Variants in CAMK2A observed in about 807,000 individuals in gnomAD.
CAMK2A encodes the protein calcium/calmodulin dependent protein kinase II alpha.
A neutral mutation model predicts 79.2 loss-of-function variants in CAMK2A; 7 were observed. The ratio of observed to expected loss-of-function variants is 0.09; its 90% confidence interval spans 0.05 to 0.17. The LOEUF (loss-of-function observed/expected upper bound fraction) is 0.17. CAMK2A is among the 10% of genes least tolerant of loss of function. The pLI is 1.00. For synonymous variants in CAMK2A, 242 were observed against 251.7 expected (o/e 0.96, Z 0.36); for missense variants, 214 against 646.4 (o/e 0.33, Z 7.25).
intron 1 of CAMK2A, among the ~76,000 whole-genome samples, chr5:150,285,083 C>A (rs1757369470): frequency 6.6e-6 from 1 of 152,168 alleles, no homozygotes; most frequent in African/African-American, 2.4e-5. Flanking sequence ...ATCAGAGTTT[C>A]CCTGCCCACA....
In CAMK2A at chr5:150,222,835, C is replaced by G. The variant is rs375900133; in HGVS notation, c.1467-122G>C. The G allele has an allele frequency of 5.7e-6, 8 of 1,411,948 alleles. No homozygotes were observed. In the Admixed American group the frequency reaches 6.9e-5, roughly 12 times the overall value. The allele number at this position is 1,411,948 out of a possible 1,614,324, so 87.5% of individuals were successfully genotyped here. A position where few individuals can be genotyped will look rare whatever the true frequency, so the allele number is the denominator to read the frequency against. ...GGTGGCTCCTGCCCAGCTCTTCCCC[C>G]AGACCTGCAGGCCTGGCCCCCTTCT... On this transcript the variant is annotated intron_variant, in intron 18 of 18. Transcript: ENST00000671881.
rs547539780 is a variant in CAMK2A, at chr5:150,261,071, C to A, written c.218-3454G>T. Reference sequence around the variant, plus strand: ...TCTACCCTCTGACCCAGGGCCTCAGCCCCTTTAGAGAATGTCCTCAGGTCT... The same window carrying A: ...TCTACCCTCTGACCCAGGGCCTCAGACCCTTTAGAGAATGTCCTCAGGTCT... On this transcript the variant is annotated intron_variant, in intron 3 of 18. Transcript: ENST00000671881. 1.8e-3 allele frequency among the ~76,000 whole-genome samples: 267 copies of A among 144,854 alleles called. 3 individuals are homozygous for A. Among genetic ancestry groups the A allele is most frequent in the Non-Finnish European group, 2.5e-3 (164 of 64,856 alleles).
chr5:150,231,588 C>G (rs1168982901), intron 15 of CAMK2A, among the ~76,000 whole-genome samples: 1 of 138,496 alleles, frequency 7.2e-6, no homozygotes, highest in Non-Finnish European at 1.5e-5. Flanking sequence ...CCCCATTTCA[C>G]AGAAGAAACT....
intron 1 of CAMK2A, among the ~76,000 whole-genome samples, chr5:150,286,749 G>A (rs1757440100): frequency 6.6e-6 from 1 of 152,146 alleles, no homozygotes; most frequent in Non-Finnish European, 1.5e-5. Context: ...CCAGCCAGGG[G>A]GGAAGCACGG....
intron 1 of CAMK2A, among the ~76,000 whole-genome samples, chr5:150,276,774 A>T (rs1756964605): frequency 6.6e-6 from 1 of 152,078 alleles, no homozygotes; most frequent in South Asian, 2.1e-4. Flanking sequence ...CTCAATTAAT[A>T]TATGTGGGTG....
At chr5:150,270,681 G>A (rs934035352) in intron 2 of CAMK2A, among the ~76,000 whole-genome samples, 3 of 151,784 alleles carry the variant, frequency 2.0e-5, no homozygotes, top group African/African-American at 4.8e-5. Context: ...GAAGAAAAGC[G>A]GCTGGCAGTT....
intron 13 of CAMK2A, among the ~76,000 whole-genome samples, chr5:150,240,536 C>G (rs1013519796): frequency 6.6e-6 from 1 of 152,210 alleles, no homozygotes; most frequent in South Asian, 2.1e-4. Flanking sequence ...GTAGCATCCC[C>G]TGTATTGGCT....
At chr5:150,236,447 A>G (rs1268997645) in intron 15 of CAMK2A, among the ~76,000 whole-genome samples, 1 of 152,228 alleles carries the variant, frequency 6.6e-6, no homozygotes, top group African/African-American at 2.4e-5. Flanking sequence ...CTTCATATGC[A>G]TCTTCTCATT....
intron 14 of CAMK2A, 105 bp from the exon 15 acceptor site, chr5:150,238,853 A>T: frequency 1.1e-6 from 1 of 927,218 alleles, no homozygotes; most frequent in East Asian, 2.7e-5. Context: ...TGAGCCTCAC[A>T]GGCTCTGCCT....
At chr5:150,273,791 G>A (rs116110775) in intron 1 of CAMK2A, among the ~76,000 whole-genome samples, 4,343 of 152,196 alleles carry the variant, frequency 0.029, 214 homozygotes, top group African/African-American at 0.099. Flanking sequence ...ATGGCTGTCC[G>A]ATCCTTTATT....
rs73796380 is a variant in CAMK2A, at chr5:150,238,617, G to A, written c.1066+83C>T. Reference sequence around the variant, plus strand: ...GATGAGCAAGAAATGAGGTTGGCACGTGGGAGCTGTCAGGAAAAAGAGGTC... The same window carrying A: ...GATGAGCAAGAAATGAGGTTGGCACATGGGAGCTGTCAGGAAAAAGAGGTC... On this transcript the variant is annotated intron_variant, in intron 15 of 18. Transcript: ENST00000671881. 5,884 of 1,317,512 alleles carry A rather than the reference G, an allele frequency of 4.5e-3. 218 individuals are homozygous for A. The African/African-American group carries it at 0.074, about 17-fold the overall frequency. The allele number at this position is 1,317,512 out of a possible 1,614,324, so 81.6% of individuals were successfully genotyped here.
chr5:150,249,843 C>T (rs1280216701), intron 11 of CAMK2A, among the ~76,000 whole-genome samples: 1 of 152,138 alleles, frequency 6.6e-6, no homozygotes, highest in Admixed American at 6.5e-5. Flanking sequence ...TCACTGCGCC[C>T]GGCCACACTT....
Position 150,250,240 on chromosome 5 carries a change from T to G in CAMK2A, c.886A>C (p.Arg296=), listed in dbSNP as rs1189187552. 6.2e-7 allele frequency: 1 copy of G among 1,613,978 alleles called. No individual in the cohort carries two copies. The change falls in exon 11 of 19, where the codon AGG becomes CGG. Residue 296 remains arginine, a synonymous_variant. Coordinates refer to ENST00000671881, the MANE Select transcript of CAMK2A (RefSeq NM_015981.4). ...TVDCLKKFNA[R]RKLKGAILTT... ...GGACCTGTTACCTTCAGTTTCCTCC[T>G]GGCATTGAACTTCTTCAGGCAGTCC...
chr5:150,282,696 C>T (rs1051015248), intron 1 of CAMK2A, among the ~76,000 whole-genome samples: 1 of 152,246 alleles, frequency 6.6e-6, no homozygotes, highest in African/African-American at 2.4e-5. Context: ...AGCCCTCTTC[C>T]CTCCAATATA....
chr5:150,221,262 A>C lies in CAMK2A; in HGVS notation c.*1448T>G, dbSNP rs1754292960. The C allele has an allele frequency of 7.6e-6, 3 of 396,968 alleles. No homozygotes were observed. Among genetic ancestry groups the C allele is most frequent in the Non-Finnish European group, 1.3e-5 (3 of 225,356 alleles). 24.6% of individuals were successfully genotyped at this position (396,968 alleles called of 1,614,324 possible). On this transcript the variant is annotated 3_prime_UTR_variant, in exon 19 of 19. Transcript: ENST00000671881. ...TAGATCCTAGTGGATGTGCCAAGGT[A>C]TTCCACTCAGAGTCAATCCCAGGGA...
rs577586528 is a variant in CAMK2A at position 150,223,050 on chromosome 5, G to T, written c.1405C>A (p.Arg469=). The change falls in exon 18 of 19, where the codon CGG becomes AGG. Residue 469 remains arginine (R), a synonymous_variant. Transcript: ENST00000671881. The surrounding 1 kb of genome is among the most constrained non-coding windows in gnomAD (Gnocchi z 4.1). ...QSEETRVWHR[R]DGKWQIVHFH... ...TGGACGATCTGCCATTTGCCATCCC[G>T]GCGGTGCCAGACACGGGTCTCCTCC... 6.2e-7 allele frequency: 1 copy of T among 1,614,236 alleles called. No individual in the cohort carries two copies. The highest frequency in any genetic ancestry group is 1.1e-5 in the South Asian group (1 of 91,084).
intron 15 of CAMK2A, among the ~76,000 whole-genome samples, chr5:150,236,153 A>T (rs1054726382): frequency 1.1e-4 from 17 of 152,214 alleles, no homozygotes; most frequent in African/African-American, 4.1e-4. Flanking sequence ...GAGGATAATG[A>T]CGGCAAATGT....
chr5:150,253,307 G>T, intron 7 of CAMK2A, 137 bp downstream of exon 7: 1 of 681,474 alleles, frequency 1.5e-6, no homozygotes. Context: ...GGTGGGACAG[G>T]GCCTCTGCTC....
upstream of CAMK2A, chr5:150,289,813 C>T (rs968727943): frequency 7.2e-6 from 4 of 552,388 alleles, no homozygotes; most frequent in Admixed American, 3.2e-5. Context: ...CGCGAGCCTT[C>T]GTCAGCATCC....
Sources: allele counts gnomAD v4.1 joint callset (sites outside exome capture counted in the v4.1 genomes callset), GRCh38; gene constraint gnomAD v4.1.1; non-coding constraint Gnocchi (gnomAD v3.1); transcripts MANE v1.5; gene names NCBI Gene and HGNC (gene_info 2026-07-23, HGNC 2026-07-21).